HECW2: variants seen among roughly 807,000 people sequenced by gnomAD.
HECW2 encodes the protein HECT, C2 and WW domain containing E3 ubiquitin protein ligase 2, also known as E3 ubiquitin-protein ligase HECW2.
A neutral mutation model predicts 175.2 loss-of-function variants in HECW2; 61 were observed. That is an observed-to-expected ratio of 0.35 (90% CI 0.28 to 0.43). HECW2 has a LOEUF of 0.43. HECW2 is among the 20% of genes least tolerant of loss of function. HECW2 has a pLI of 1.00. For missense variants in HECW2, 1,524 were observed against 2,000.5 expected, an observed-to-expected ratio of 0.76 and a Z score of 4.54; for synonymous variants, 671 against 731.0, an observed-to-expected ratio of 0.92 and a Z score of 1.32.
intron 2 of HECW2, among the ~76,000 whole-genome samples, chr2:196,378,519 C>A (rs1694113390): frequency 6.6e-6 from 1 of 152,120 alleles, no homozygotes; most frequent in South Asian, 2.1e-4. Context: ...GAGTTCATAG[C>A]AATATTAAAA....
rs571244155 is a variant in HECW2, at chr2:196,519,589, G to A, written c.-36+73919C>T. 1.1e-4 allele frequency among the ~76,000 whole-genome samples: 16 copies of A among 152,290 alleles called. No homozygotes were observed. In the South Asian group the frequency reaches 2.9e-3, roughly 28 times the overall value. ...CCTCTCATCTCTTGAGATCAGGCCAGTCCACCCCTGAAGGCAAAAAGGTAA... is the reference window on the plus strand; with the variant it reads ...CCTCTCATCTCTTGAGATCAGGCCAATCCACCCCTGAAGGCAAAAAGGTAA... On this transcript the variant is annotated intron_variant, in intron 1 of 28. Transcript: ENST00000644978.
In HECW2 at chr2:196,317,304, A is replaced by C; in HGVS notation, c.2404T>G (p.Tyr802Asp). ...LPSVRQDVSR[Y>D]QRVDEALPPN... ...GGGAGAGCCTCGTCCACCCTCTGGT[A>C]CCGGCTAACATCCTGGCGCACTGAA... The change falls in exon 10 of 29, where the codon TAC (tyrosine) becomes GAC (aspartate). Residue 802 changes from tyrosine (Y) to aspartate (D), a missense_variant. Coordinates refer to ENST00000644978, the MANE Select transcript of HECW2 (RefSeq NM_001348768.2). The C allele has an allele frequency of 6.2e-7, 1 of 1,613,494 alleles. No individual in the cohort carries two copies.
At chr2:196,305,574 T>C (rs1691229100) in intron 13 of HECW2, among the ~76,000 whole-genome samples, 1 of 152,236 alleles carries the variant, frequency 6.6e-6, no homozygotes, top group African/African-American at 2.4e-5. Context: ...AAATTCAATA[T>C]GTTCTCCTTC....
Position 196,194,781 on chromosome 2 carries a change from C to A in HECW2, c.*6496G>T, listed in dbSNP as rs1296964802. ...CATTAAATAAATATGAAGCTTAAAT[C>A]AACGCAAAAACTGAAATACCACTAT... On this transcript the variant is annotated 3_prime_UTR_variant, in exon 29 of 29. Coordinates refer to ENST00000644978, the MANE Select transcript of HECW2 (RefSeq NM_001348768.2). 6.6e-6 allele frequency: 1 copy of A among 152,116 alleles called. No individual in the cohort carries two copies. Among genetic ancestry groups the A allele is most frequent in the East Asian group, 1.9e-4 (1 of 5,198 alleles). 9.4% of individuals were successfully genotyped at this position (152,116 alleles called of 1,614,324 possible).
chr2:196,339,291 A>C (rs1692660135), intron 3 of HECW2, among the ~76,000 whole-genome samples: 1 of 152,198 alleles, frequency 6.6e-6, no homozygotes, highest in Non-Finnish European at 1.5e-5. Flanking sequence ...TATTCTGGCA[A>C]GGTACCAACC....
At position 196,433,462 on chromosome 2, in the gene HECW2, C is replaced by T. The variant is rs748888637; in HGVS notation, c.-35-4G>A. 1.9e-6 allele frequency: 3 copies of T among 1,585,818 alleles called. No individual in the cohort carries two copies. Among genetic ancestry groups the T allele is most frequent in the Non-Finnish European group, 1.7e-6 (2 of 1,165,852 alleles). On this transcript the variant is annotated splice_polypyrimidine_tract_variant and splice_region_variant and intron_variant, in intron 1 of 28. Coordinates refer to ENST00000644978, the MANE Select transcript of HECW2 (RefSeq NM_001348768.2). ...CTGGGATTGGCTGCCTACAAAGCTG[C>T]AAGAGACAGATAAACATAAAACATT... is the stretch of plus-strand genomic sequence containing the variant.
chr2:196,388,026 C>A (rs1240538053), intron 2 of HECW2, among the ~76,000 whole-genome samples: 1 of 152,114 alleles, frequency 6.6e-6, no homozygotes, highest in Non-Finnish European at 1.5e-5. Flanking sequence ...AACAGTGTCT[C>A]ACACCTATAA....
chr2:196,211,962 G>C (rs577934178), intron 28 of HECW2, among the ~76,000 whole-genome samples: 73 of 152,160 alleles, frequency 4.8e-4, no homozygotes, highest in African/African-American at 1.7e-3. Context: ...CCTGCCTCCC[G>C]AGTAGCTGGG....
chr2:196,202,669 G>C (rs886391452), intron 28 of HECW2, among the ~76,000 whole-genome samples: 4 of 152,140 alleles, frequency 2.6e-5, no homozygotes, highest in Non-Finnish European at 5.9e-5. Flanking sequence ...GCCACAAATA[G>C]TAATGACCCA....
chr2:196,405,564 C>CA (rs1374212632), intron 2 of HECW2, among the ~76,000 whole-genome samples: 3 of 152,092 alleles, frequency 2.0e-5, no homozygotes, highest in Non-Finnish European at 4.4e-5. Context: ...TGTTGAAGTC[C>CA]AACCCCCCAT....
At chr2:196,330,909 C>T (rs1692333067) in intron 4 of HECW2, among the ~76,000 whole-genome samples, 1 of 152,122 alleles carries the variant, frequency 6.6e-6, no homozygotes, top group Non-Finnish European at 1.5e-5. Flanking sequence ...GCTTTTACTA[C>T]TTAACTACTG....
chr2:196,325,716 TC>T (rs1274682631), intron 5 of HECW2, among the ~76,000 whole-genome samples: 1 of 152,228 alleles, frequency 6.6e-6, no homozygotes, highest in East Asian at 1.9e-4. Flanking sequence ...CCACAAAATG[TC>T]ATATATATTC....
intron 5 of HECW2, 51 bp from the exon 6 acceptor site, chr2:196,325,200 A>C (rs767554954): frequency 1.4e-6 from 2 of 1,386,970 alleles, no homozygotes; most frequent in Non-Finnish European, 2.0e-6. Context: ...AGCAGGAGGG[A>C]GGGAGGAAAG....
At chr2:196,308,310 T>A (rs1691347937) in intron 10 of HECW2, among the ~76,000 whole-genome samples, 2 of 152,190 alleles carry the variant, frequency 1.3e-5, no homozygotes, top group South Asian at 4.1e-4. Context: ...CCTTAAATAA[T>A]CTTTAAATGT....
chr2:196,302,569 G>A (rs909030153), intron 13 of HECW2, among the ~76,000 whole-genome samples: 1 of 152,106 alleles, frequency 6.6e-6, no homozygotes, highest in African/African-American at 2.4e-5. Flanking sequence ...TTTTCCTTTT[G>A]TTTGTGTCTT....
At chr2:196,436,738 A>G (rs1695887576) in intron 1 of HECW2, among the ~76,000 whole-genome samples, 1 of 119,682 alleles carries the variant, frequency 8.4e-6, no homozygotes, top group Non-Finnish European at 1.7e-5. Context: ...TAAATAGTAA[A>G]AAGAGTAAGG....
At chr2:196,218,722 G>A (rs1687564190) in intron 26 of HECW2, among the ~76,000 whole-genome samples, 1 of 152,072 alleles carries the variant, frequency 6.6e-6, no homozygotes, top group African/African-American at 2.4e-5. Context: ...TCTCCTGGAA[G>A]GAAAGAATGA....
chr2:196,577,372 A>C (rs1690599217), intron 1 of HECW2, among the ~76,000 whole-genome samples: 1 of 152,196 alleles, frequency 6.6e-6, no homozygotes, highest in Non-Finnish European at 1.5e-5. Context: ...AAAGTCATTT[A>C]TTAAATTTTA....
chr2:196,447,326 G>A (rs1170463022), intron 1 of HECW2, among the ~76,000 whole-genome samples: 1 of 152,132 alleles, frequency 6.6e-6, no homozygotes, highest in African/African-American at 2.4e-5. Context: ...AACTGAAGAC[G>A]TAAAATTAGT....
Sources: allele counts gnomAD v4.1 joint callset (sites outside exome capture counted in the v4.1 genomes callset), GRCh38; gene constraint gnomAD v4.1.1; transcripts MANE v1.5; gene names NCBI Gene and HGNC (gene_info 2026-07-23, HGNC 2026-07-21).